The following PCDHGA8 variants were observed in gnomAD, a reference collection of about 807,000 sequenced individuals.
PCDHGA8 encodes the protein protocadherin gamma subfamily A, 8, also known as protocadherin gamma-A8.
Under a neutral mutation model 59.2 loss-of-function variants are expected in PCDHGA8, and 45 were observed. That is an observed-to-expected ratio of 0.76 (90% confidence interval 0.60 to 0.98). The LOEUF is 0.98. Ranked by LOEUF, PCDHGA8 falls within the 50% of genes least tolerant of loss-of-function variation. The pLI is 0.00. For missense variants in PCDHGA8, 1,257 were observed against 1,196.2 expected (o/e 1.05, Z -0.75); for synonymous variants, 531 against 519.0 (o/e 1.02, Z -0.32).
At chr5:141,428,022 G>A (rs1439933482) in intron 1 of PCDHGA8, 11 of 1,605,558 alleles carry the variant, frequency 6.9e-6, no homozygotes, top group South Asian at 1.1e-5. Context: ...GCCACGCGCC[G>A]CAGAGTCCGG....
At chr5:141,403,211 G>A (rs1253134514) in intron 1 of PCDHGA8, 2 of 1,613,856 alleles carry the variant, frequency 1.2e-6, no homozygotes, top group Non-Finnish European at 1.7e-6. Flanking sequence ...CTTGGTCACC[G>A]CGGGTAGGAT....
chr5:141,487,529 A>G lies in PCDHGA8; in HGVS notation c.2425-7278A>G, dbSNP rs772843725. ...TGCACCCACTCGGAGTGATAGCTTCATGATGGTGAAGTCACCCAGTGCACC... is the reference window on the plus strand; with the variant it reads ...TGCACCCACTCGGAGTGATAGCTTCGTGATGGTGAAGTCACCCAGTGCACC... On this transcript the variant is annotated intron_variant, in intron 1 of 3. Coordinates refer to ENST00000398604, the MANE Select transcript of PCDHGA8 (RefSeq NM_032088.2). The surrounding 1 kb of genome is among the most constrained non-coding windows in gnomAD (Gnocchi z 5.0). The G allele has an allele frequency of 2.0e-5, 32 of 1,614,168 alleles. No individual in the cohort carries two copies. Among genetic ancestry groups the G allele is most frequent in the Non-Finnish European group, 2.5e-5 (29 of 1,180,040 alleles).
At chr5:141,429,726 C>T (rs931967000) in intron 1 of PCDHGA8, among the ~76,000 whole-genome samples, 23 of 152,068 alleles carry the variant, frequency 1.5e-4, no homozygotes, top group Admixed American at 1.3e-4. Flanking sequence ...CATGAAAGTA[C>T]GTAGCCAGTT....
At chr5:141,435,510 T>C (rs72790047) in intron 1 of PCDHGA8, among the ~76,000 whole-genome samples, 9,714 of 152,280 alleles carry the variant, frequency 0.064, 363 homozygotes, top group African/African-American at 0.099. Context: ...ATGATACTAA[T>C]GATGACTTTG....
chr5:141,458,540 TTTTG>T (rs754668779), intron 1 of PCDHGA8, among the ~76,000 whole-genome samples: 43 of 150,468 alleles, frequency 2.9e-4, no homozygotes, highest in East Asian at 1.7e-3. Context: ...ATCAACTTTA[TTTTG>T]TTTGTTTGTT....
intron 1 of PCDHGA8, chr5:141,422,764 G>A: frequency 1.2e-6 from 2 of 1,613,582 alleles, no homozygotes; most frequent in Non-Finnish European, 8.5e-7. Flanking sequence ...CTCCAACACT[G>A]GTGTTCTCTA....
chr5:141,463,308 A>G (rs1233755540), intron 1 of PCDHGA8, among the ~76,000 whole-genome samples: 1 of 151,660 alleles, frequency 6.6e-6, no homozygotes, highest in Admixed American at 6.6e-5. Context: ...CCAAACTCTA[A>G]TATCTATTCC....
At chr5:141,455,874 T>C (rs2098834969) in intron 1 of PCDHGA8, among the ~76,000 whole-genome samples, 1 of 146,458 alleles carries the variant, frequency 6.8e-6, no homozygotes, top group South Asian at 2.1e-4. Flanking sequence ...TTTATTTATT[T>C]ATTTATTTAT....
intron 1 of PCDHGA8, among the ~76,000 whole-genome samples, chr5:141,492,798 C>T (rs1219815576): frequency 6.6e-6 from 1 of 152,250 alleles, no homozygotes; most frequent in Non-Finnish European, 1.5e-5. Flanking sequence ...GACAGCAGGA[C>T]TGGGACTCCA....
At chr5:141,396,724 A>G (rs957039654) in intron 1 of PCDHGA8, 1 of 152,212 alleles carries the variant, frequency 6.6e-6, no homozygotes, top group African/African-American at 2.4e-5. Flanking sequence ...TAATACCTGA[A>G]TTGATTGTTG....
At chr5:141,426,779 T>G in intron 1 of PCDHGA8, 6 of 456,698 alleles carry the variant, frequency 1.3e-5, no homozygotes, top group Non-Finnish European at 1.8e-5. Context: ...GGCCTCACTC[T>G]CTCCAGAGTT....
chr5:141,400,372 A>T, intron 1 of PCDHGA8: 1 of 1,613,980 alleles, frequency 6.2e-7, no homozygotes, highest in South Asian at 1.1e-5. Flanking sequence ...TTATTCCTAC[A>T]ACCTATGTGT....
chr5:141,490,869 A>G lies in PCDHGA8; in HGVS notation c.2425-3938A>G, dbSNP rs764138126. ...GGGTTCGAGACTCCGGCTCTCCCCCATTGCATGCCAACACATCTCTGCATG... is the reference window on the plus strand; with the variant it reads ...GGGTTCGAGACTCCGGCTCTCCCCCGTTGCATGCCAACACATCTCTGCATG... On this transcript the variant is annotated intron_variant, in intron 1 of 3. Transcript: ENST00000398604. This position sits in a 1 kb window ranked among gnomAD's most constrained non-coding sequence, Gnocchi z 5.4. 4.3e-6 allele frequency: 7 copies of G among 1,613,784 alleles called. No homozygotes were observed. The highest frequency in any genetic ancestry group is 1.7e-5 in the Admixed American group (1 of 60,004).
At chr5:141,399,722 A>G in intron 1 of PCDHGA8, 4 of 1,613,264 alleles carry the variant, frequency 2.5e-6, no homozygotes, top group Non-Finnish European at 3.4e-6. Context: ...CAGGCCCGCG[A>G]CCAGGGCTCG....
chr5:141,457,149 G>A (rs1016628234), intron 1 of PCDHGA8, among the ~76,000 whole-genome samples: 6 of 152,180 alleles, frequency 3.9e-5, no homozygotes, highest in African/African-American at 1.4e-4. Flanking sequence ...TCAGTTAGAA[G>A]GTGCTACCAT....
At chr5:141,494,069 C>T (rs1249076667) in intron 1 of PCDHGA8, among the ~76,000 whole-genome samples, 1 of 152,146 alleles carries the variant, frequency 6.6e-6, no homozygotes, top group Non-Finnish European at 1.5e-5. Context: ...GAGCTGGATC[C>T]CTCCCCGCTG....
At chr5:141,421,548 G>C in intron 1 of PCDHGA8, 1 of 1,613,984 alleles carries the variant, frequency 6.2e-7, no homozygotes, top group Non-Finnish European at 8.5e-7. Flanking sequence ...TTTTAAATAT[G>C]GAACTTCTCG....
chr5:141,490,080 T>A lies in PCDHGA8; in HGVS notation c.2425-4727T>A, dbSNP rs2099695881. On this transcript the variant is annotated intron_variant, in intron 1 of 3. Coordinates refer to ENST00000398604, the MANE Select transcript of PCDHGA8 (RefSeq NM_032088.2). The surrounding 1 kb of genome is among the most constrained non-coding windows in gnomAD (Gnocchi z 5.4). ...GCACCAACGGCCAACTAGACTATTCTTTTGGAGACCACACATCTGAGGCAG... is the reference window on the plus strand; with the variant it reads ...GCACCAACGGCCAACTAGACTATTCATTTGGAGACCACACATCTGAGGCAG... The A allele has an allele frequency of 6.2e-7, 1 of 1,614,246 alleles. No homozygotes were observed. The highest frequency in any genetic ancestry group is 2.2e-5 in the East Asian group (1 of 44,884).
intron 1 of PCDHGA8, among the ~76,000 whole-genome samples, chr5:141,445,746 TA>T (rs1486411811): frequency 2.0e-5 from 3 of 152,028 alleles, no homozygotes; most frequent in Non-Finnish European, 4.4e-5. Flanking sequence ...TTTTAAAAAA[TA>T]AAAGGTGTGA....
Sources: gnomAD v4.1 joint callset for allele counts (sites outside exome capture counted in the v4.1 genomes callset) on GRCh38, gnomAD v4.1.1 for gene constraint, Gnocchi (gnomAD v3.1) non-coding constraint, MANE v1.5 for transcripts, NCBI Gene and HGNC (gene_info 2026-07-23, HGNC 2026-07-21) for gene names.